Variants in KCNJ6 observed in about 807,000 individuals in gnomAD.
The protein encoded by KCNJ6 is potassium inwardly rectifying channel subfamily J member 6.
KCNJ6 carries 9 observed loss-of-function variants against 34.2 expected under a neutral mutation model. The ratio of observed to expected loss-of-function variants is 0.26; its 90% CI spans 0.16 to 0.46. KCNJ6 has a LOEUF of 0.46. Among genes scored for constraint, KCNJ6 ranks in the 20% least tolerant of loss-of-function variants. The pLI is 1.00. For synonymous variants in KCNJ6, 196 were observed against 207.1 expected (o/e 0.95, Z 0.46); for missense variants, 236 against 531.3 (o/e 0.44, Z 5.46).
intron 3 of KCNJ6, among the ~76,000 whole-genome samples, chr21:37,654,046 C>T (rs891155166): frequency 4.0e-5 from 6 of 151,172 alleles, no homozygotes; most frequent in African/African-American, 1.5e-4. Flanking sequence ...TTTATAAAGG[C>T]TGCCCTTGGG....
At chr21:37,815,794 AGCTTTGAGCCCTTG>A (rs1272972243) in intron 2 of KCNJ6, among the ~76,000 whole-genome samples, 2 of 152,212 alleles carry the variant, frequency 1.3e-5, no homozygotes, top group Non-Finnish European at 2.9e-5. Context: ...GGCTGATAAA[AGCTTTGAGCCCTTG>A]GCTTTAGCCC....
chr21:37,906,867 C>A (rs1284743955), intron 1 of KCNJ6, among the ~76,000 whole-genome samples: 1 of 152,170 alleles, frequency 6.6e-6, no homozygotes, highest in Non-Finnish European at 1.5e-5. Flanking sequence ...GTGGGCCCAG[C>A]CACCCCAGGA....
chr21:37,837,406 A>T (rs2055457299), intron 2 of KCNJ6, among the ~76,000 whole-genome samples: 1 of 152,216 alleles, frequency 6.6e-6, no homozygotes, highest in Non-Finnish European at 1.5e-5. Flanking sequence ...TAAAAAAATG[A>T]TCGAAGTTGA....
At chr21:37,630,136 G>C (rs753473859) in intron 3 of KCNJ6, among the ~76,000 whole-genome samples, 3 of 148,624 alleles carry the variant, frequency 2.0e-5, no homozygotes, top group Non-Finnish European at 4.5e-5. Flanking sequence ...TGACATCTCT[G>C]TGTGTGTGTG....
At chr21:37,723,275 A>G (rs1244964956) in intron 2 of KCNJ6, among the ~76,000 whole-genome samples, 1 of 152,310 alleles carries the variant, frequency 6.6e-6, no homozygotes, top group Middle Eastern at 3.4e-3. Context: ...TCAAAAAACA[A>G]CAGATGCTTG....
At chr21:37,670,707 G>A (rs1182619278) in intron 3 of KCNJ6, among the ~76,000 whole-genome samples, 1 of 152,212 alleles carries the variant, frequency 6.6e-6, no homozygotes, top group Non-Finnish European at 1.5e-5. Flanking sequence ...AGAGGCTGCA[G>A]TCACCCAAGA....
intron 2 of KCNJ6, among the ~76,000 whole-genome samples, chr21:37,824,367 G>A (rs1008919803): frequency 3.3e-5 from 5 of 151,908 alleles, no homozygotes; most frequent in African/African-American, 4.8e-5. Context: ...CTCTCTCCTC[G>A]TGTTCAACTC....
chr21:37,799,095 C>T lies in KCNJ6; in HGVS notation c.25+41563G>A, dbSNP rs190117964. On this transcript the variant is annotated intron_variant, in intron 2 of 3. Transcript: ENST00000609713. ...CCCATGCTCCACTCTCCACTAGGCC[C>T]CAGTGTGTGCCATTCCCCTCTACAT... Among the ~76,000 whole-genome samples, 13 of 152,274 alleles carry T rather than the reference C, an allele frequency of 8.5e-5. No individual in the cohort carries two copies. The East Asian group carries it at 1.7e-3, about 20-fold the overall frequency.
chr21:37,656,203 C>T (rs2054463206), intron 3 of KCNJ6, among the ~76,000 whole-genome samples: 1 of 152,206 alleles, frequency 6.6e-6, no homozygotes, highest in Admixed American at 6.5e-5. Context: ...CTGAGCAGCA[C>T]AGGAGATGCT....
chr21:37,884,400 T>C (rs2055724893), intron 1 of KCNJ6, among the ~76,000 whole-genome samples: 1 of 152,084 alleles, frequency 6.6e-6, no homozygotes, highest in Non-Finnish European at 1.5e-5. Context: ...CTTTCCAGCT[T>C]CTCTCTGCAT....
intron 1 of KCNJ6, among the ~76,000 whole-genome samples, chr21:37,855,416 A>G (rs1319256687): frequency 6.6e-6 from 1 of 152,224 alleles, no homozygotes; most frequent in Non-Finnish European, 1.5e-5. Context: ...CATAACCCTC[A>G]CATCGCTCTA....
At chr21:37,667,466 G>A (rs1353816734) in intron 3 of KCNJ6, among the ~76,000 whole-genome samples, 2 of 152,120 alleles carry the variant, frequency 1.3e-5, no homozygotes, top group African/African-American at 4.8e-5. Context: ...GGACATCAGG[G>A]GTAGTAGGCG....
chr21:37,772,614 TTA>T (rs1179977404), intron 2 of KCNJ6, among the ~76,000 whole-genome samples: 1 of 152,250 alleles, frequency 6.6e-6, no homozygotes, highest in Non-Finnish European at 1.5e-5. Context: ...GTAGAATGTC[TTA>T]TGATTATGTT....
rs374427287 is a variant in KCNJ6 at position 37,647,315 on chromosome 21, G to A, written c.947-21831C>T. On this transcript the variant is annotated intron_variant, in intron 3 of 3. Transcript: ENST00000609713. The stretch of plus-strand genomic sequence containing the variant: ...TCCTATTAGACATAAAGACTTGGCC[G>A]ACAGATGTGTGTATGAGTAGGGTCG... 2.6e-5 allele frequency among the ~76,000 whole-genome samples: 4 copies of A among 151,938 alleles called. No individual in the cohort carries two copies. The East Asian group carries it at 5.8e-4, about 22-fold the overall frequency.
chr21:37,896,575 C>CT (rs1458482358), intron 1 of KCNJ6, among the ~76,000 whole-genome samples: 1 of 152,164 alleles, frequency 6.6e-6, no homozygotes, highest in Non-Finnish European at 1.5e-5. Flanking sequence ...GCAGAGGCCA[C>CT]TTTTCTTGGG....
intron 2 of KCNJ6, among the ~76,000 whole-genome samples, chr21:37,722,067 G>T (rs999661572): frequency 6.6e-6 from 1 of 152,118 alleles, no homozygotes; most frequent in East Asian, 1.9e-4. Context: ...CTGCCAAAAG[G>T]CTCCTGGAAC....
chr21:37,645,017 G>GTTTTT (rs71198881), intron 3 of KCNJ6, among the ~76,000 whole-genome samples: 2 of 130,818 alleles, frequency 1.5e-5, no homozygotes, highest in Non-Finnish European at 3.1e-5. Flanking sequence ...AAACAGGTGG[G>GTTTTT]TTTTTTTTTT....
intron 2 of KCNJ6, among the ~76,000 whole-genome samples, chr21:37,777,236 C>T (rs989756542): frequency 1.3e-5 from 2 of 151,912 alleles, no homozygotes; most frequent in Admixed American, 6.6e-5. Flanking sequence ...GATTCTTCTC[C>T]CTTTTCTTCT....
intron 3 of KCNJ6, among the ~76,000 whole-genome samples, chr21:37,672,668 A>G (rs918879510): frequency 2.0e-5 from 3 of 152,140 alleles, no homozygotes; most frequent in Non-Finnish European, 4.4e-5. Flanking sequence ...TTTTTACCTA[A>G]TCAAAAAGGA....
Sources: gnomAD v4.1 joint callset for allele counts (sites outside exome capture counted in the v4.1 genomes callset) on GRCh38, gnomAD v4.1.1 for gene constraint, MANE v1.5 for transcripts, NCBI Gene and HGNC (gene_info 2026-07-23, HGNC 2026-07-21) for gene names.